Variants in RRM1 observed in about 807,000 individuals in gnomAD.
RRM1 encodes the protein ribonucleotide reductase catalytic subunit M1, also known as ribonucleoside-diphosphate reductase large subunit.
In RRM1, 19 loss-of-function variants were observed where a neutral mutation model predicts 101.5. The observed-to-expected ratio is 0.19, with a 90% CI of 0.13 to 0.27. The LOEUF (loss-of-function observed/expected upper bound fraction) is 0.27, where lower values mean the gene tolerates loss of function less well. Ranked by LOEUF, RRM1 falls within the 10% of genes least tolerant of loss-of-function variation. The pLI, the probability that RRM1 is intolerant of heterozygous loss-of-function variation, is 1.00. For synonymous variants in RRM1, 298 were observed against 323.4 expected, an observed-to-expected ratio of 0.92 and a Z score of 0.84; for missense variants, 500 against 962.9, an observed-to-expected ratio of 0.52 and a Z score of 6.36.
At chr11:4,097,792 A>G (rs2094545692) in intron 1 of RRM1, among the ~76,000 whole-genome samples, 1 of 152,176 alleles carries the variant, frequency 6.6e-6, no homozygotes. Context: ...GGCAACTGGA[A>G]GTTGACTTTG....
intron 10 of RRM1, 150 bp downstream of exon 10, chr11:4,121,915 T>TGGCCAACATGGTGAAACC: frequency 2.6e-6 from 2 of 776,010 alleles, no homozygotes; most frequent in South Asian, 4.3e-5. Context: ...GTGCTTGTCT[T>TGGCCAACATGGTGAAACC]CTTATATTTC....
In RRM1 at chr11:4,122,162, A is replaced by G; in HGVS notation, c.1060A>G (p.Asn354Asp). The G allele has an allele frequency of 2.5e-6, 4 of 1,613,736 alleles. No homozygotes were observed. The highest frequency in any genetic ancestry group is 3.4e-6 in the Non-Finnish European group (4 of 1,179,726). The change falls in exon 11 of 19, where the codon AAT becomes GAT. Residue 354 changes from asparagine to aspartate, a missense_variant. Physicochemically the swap from Asn to Asp is conservative, Grantham distance 23. This residue lies in a region of RRM1 where 80 missense variants were observed against 170.9 expected (regional missense o/e 0.47). Transcript: ENST00000300738. ...TNQDWSLMCP[N>D]ECPGLDEVWG... ...TTAGGACTGGTCTTTGATGTGTCCAAATGAGTGTCCTGGTCTGGATGAGGT... is the reference window on the plus strand; with the variant it reads ...TTAGGACTGGTCTTTGATGTGTCCAGATGAGTGTCCTGGTCTGGATGAGGT...
intron 1 of RRM1, among the ~76,000 whole-genome samples, chr11:4,098,257 T>A (rs1470527969): frequency 6.6e-6 from 1 of 152,140 alleles, no homozygotes; most frequent in African/African-American, 2.4e-5. Flanking sequence ...TATTCCAGAT[T>A]CTTTCCCTAT....
Position 4,118,374 on chromosome 11 carries a change from A to G in RRM1, c.705A>G (p.Leu235=), listed in dbSNP as rs747641658. 6.2e-7 allele frequency: 1 copy of G among 1,614,064 alleles called. No individual in the cohort carries two copies. The highest frequency in any genetic ancestry group is 8.5e-7 in the Non-Finnish European group (1 of 1,179,952). Residue 235 remains leucine (L), a synonymous_variant, in exon 8 of 19, where the codon CTA becomes CTG. Coordinates refer to ENST00000300738, the MANE Select transcript of RRM1 (RefSeq NM_001033.5). ...DDSIEGIYDT[L]KQCALISKSA... is the part of the protein sequence containing the mutation. ...GCATTGAAGGCATTTATGACACTCT[A>G]AAGCAATGTGCATTGATTTCTAAGT...
In RRM1 at chr11:4,121,352, C is replaced by T. The variant is rs924325540; in HGVS notation, c.877-252C>T. Among the ~76,000 whole-genome samples, 5 of 152,194 alleles carry T rather than the reference C, an allele frequency of 3.3e-5. No homozygotes were observed. In the East Asian group the frequency reaches 9.6e-4, roughly 29 times the overall value. ...AGAGGAGGCTCCATCTGTAGTTCATCATGTCACTTTAGAAAAGTTAATCTT... is the reference window on the plus strand; with the variant it reads ...AGAGGAGGCTCCATCTGTAGTTCATTATGTCACTTTAGAAAAGTTAATCTT... On this transcript the variant is annotated intron_variant, in intron 9 of 18. Coordinates refer to ENST00000300738, the MANE Select transcript of RRM1 (RefSeq NM_001033.5).
At chr11:4,122,771 G>A (rs2094583690) in intron 11 of RRM1, among the ~76,000 whole-genome samples, 1 of 151,958 alleles carries the variant, frequency 6.6e-6, no homozygotes, top group African/African-American at 2.4e-5. Flanking sequence ...TACTTGGGAG[G>A]CTGAGGTAGG....
intron 9 of RRM1, among the ~76,000 whole-genome samples, chr11:4,120,377 G>T (rs1590724219): frequency 2.7e-5 from 4 of 145,930 alleles, no homozygotes; most frequent in South Asian, 2.1e-4. Flanking sequence ...TTTTTCTTTC[G>T]TTTTTTTTTT....
At chr11:4,097,011 A>G (rs536466682) in intron 1 of RRM1, among the ~76,000 whole-genome samples, 4 of 141,778 alleles carry the variant, frequency 2.8e-5, no homozygotes, top group Non-Finnish European at 4.4e-5. Context: ...GTGGCAGGGC[A>G]TGGTGGCTCA....
intron 12 of RRM1, among the ~76,000 whole-genome samples, chr11:4,125,408 G>A (rs1249484640): frequency 6.6e-6 from 1 of 152,070 alleles, no homozygotes; most frequent in African/African-American, 2.4e-5. Context: ...CACTTAACAT[G>A]TTCTTTTATT....
At chr11:4,136,262 C>A (rs187642072) in intron 18 of RRM1, among the ~76,000 whole-genome samples, 89 of 152,202 alleles carry the variant, frequency 5.8e-4, no homozygotes, top group African/African-American at 2.0e-3. Context: ...CACTCTGTTG[C>A]CCCGGCTGGA....
intron 7 of RRM1, 114 bp from the exon 8 acceptor site, chr11:4,118,206 T>C (rs1050687699): frequency 9.4e-7 from 1 of 1,063,134 alleles, no homozygotes; most frequent in South Asian, 1.7e-5. Flanking sequence ...TTAGGAACTT[T>C]CTAAACTTCA....
At position 4,094,825 on chromosome 11, in the gene RRM1, G is replaced by A; in HGVS notation, c.-188G>A. Reference sequence around the variant, plus strand: ...CCTTTGTGCGTCACGGGTGGCGGGCGCGGGAAGGGGATTTGGATTGTTGCG... The same window carrying A: ...CCTTTGTGCGTCACGGGTGGCGGGCACGGGAAGGGGATTTGGATTGTTGCG... On this transcript the variant is annotated 5_prime_UTR_variant, in exon 1 of 19. Transcript: ENST00000300738. The A allele has an allele frequency of 3.2e-6, 2 of 616,472 alleles. No individual in the cohort carries two copies. Among genetic ancestry groups the A allele is most frequent in the South Asian group, 4.0e-5 (2 of 49,992 alleles). 38.2% of individuals were successfully genotyped at this position (616,472 alleles called of 1,614,324 possible). A position where few individuals can be genotyped will look rare whatever the true frequency, so the allele number is the denominator to read the frequency against.
At chr11:4,116,959 C>T (rs759482703) in intron 7 of RRM1, among the ~76,000 whole-genome samples, 2 of 149,628 alleles carry the variant, frequency 1.3e-5, no homozygotes, top group African/African-American at 5.0e-5. Context: ...AGAGTTAAAC[C>T]CTGTCTCAAA....
intron 2 of RRM1, among the ~76,000 whole-genome samples, chr11:4,102,395 C>G (rs564994112): frequency 5.5e-4 from 84 of 152,164 alleles, no homozygotes; most frequent in Non-Finnish European, 8.2e-4. Context: ...CCGTGGCTCA[C>G]GCCTGTAATC....
chr11:4,129,121 C>T lies in RRM1; in HGVS notation c.1740C>T (p.Asp580=), dbSNP rs779699827. 4.4e-6 allele frequency: 7 copies of T among 1,604,588 alleles called. No individual in the cohort carries two copies. The Admixed American group carries it at 1.0e-4, about 23-fold the overall frequency. ...MWNVTPTDLW[D]WKVLKEKIAK... The stretch of plus-strand genomic sequence containing the variant: ...ATGTTACTCCTACAGACCTATGGGA[C>T]TGGAAGGTTCTCAAGGAGAAGATTG... Residue 580 remains aspartate (D), a synonymous_variant, in exon 15 of 19, where the codon GAC becomes GAT. Coordinates refer to ENST00000300738, the MANE Select transcript of RRM1 (RefSeq NM_001033.5).
At chr11:4,114,550 T>TA (rs776225425) in intron 7 of RRM1, among the ~76,000 whole-genome samples, 190 of 130,696 alleles carry the variant, frequency 1.5e-3, no homozygotes, top group Middle Eastern at 4.1e-3. Flanking sequence ...AACTCTATCT[T>TA]AAAAAAAAAA....
chr11:4,111,462 A>C (rs2094565459), intron 5 of RRM1, 139 bp from the exon 6 acceptor site: 1 of 495,090 alleles, frequency 2.0e-6, no homozygotes, highest in Non-Finnish European at 3.6e-6. Flanking sequence ...AGCTAGGAAG[A>C]GTAAATGTGC....
intron 18 of RRM1, 139 bp downstream of exon 18, chr11:4,135,409 C>A (rs1041639656): frequency 8.1e-6 from 5 of 617,010 alleles, no homozygotes; most frequent in Non-Finnish European, 1.3e-5. Context: ...TAAAACCAAC[C>A]CATGGTTTTT....
chr11:4,113,596 G>T (rs1428593632), intron 7 of RRM1, among the ~76,000 whole-genome samples: 1 of 152,140 alleles, frequency 6.6e-6, no homozygotes, highest in Non-Finnish European at 1.5e-5. Context: ...TAACGATGGG[G>T]ATATATTCTG....
Sources: allele counts gnomAD v4.1 joint callset (sites outside exome capture counted in the v4.1 genomes callset), GRCh38; gene constraint gnomAD v4.1.1; regional missense constraint gnomAD v4.1.1; transcripts MANE v1.5; gene names NCBI Gene and HGNC (gene_info 2026-07-23, HGNC 2026-07-21).